COLEC12: variants seen among roughly 807,000 people sequenced by gnomAD.
The protein encoded by COLEC12 is collectin-12.
COLEC12 carries 33 observed loss-of-function variants against 71.1 expected under a neutral mutation model. The observed-to-expected ratio is 0.46, with a 90% CI of 0.35 to 0.62. The LOEUF is 0.62. Among genes scored for constraint, COLEC12 ranks in the 20% least tolerant of loss-of-function variants. The probability of loss-of-function intolerance (pLI) is 0.00; values close to 1 mark genes in which losing one functional copy is unlikely to be tolerated. For synonymous variants in COLEC12, 350 were observed against 353.0 expected (o/e 0.99, Z 0.10); for missense variants, 765 against 916.1 (o/e 0.84, Z 2.13).
chr18:444,381 C>A (rs1352230447), intron 2 of COLEC12, among the ~76,000 whole-genome samples: 1 of 152,080 alleles, frequency 6.6e-6, no homozygotes, highest in African/African-American at 2.4e-5. Flanking sequence ...TATCTGGGGG[C>A]TGATCCAGTG....
At position 346,935 on chromosome 18, in the gene COLEC12, G is replaced by A; in HGVS notation, c.687C>T (p.Asp229=). 1 of 1,614,186 alleles carries A rather than the reference G, an allele frequency of 6.2e-7. No individual in the cohort carries two copies. ...LITNLQRSVD[D]TSQAIQRIKN... is the part of the protein sequence containing the mutation. ...TGATTCGCTGGATAGCCTGGCTTGT[G>A]TCATCCACAGACCGCTGCAGATTCG... Residue 229 remains aspartate (D), a synonymous_variant, in exon 5 of 10, where the codon GAC becomes GAT. Transcript: ENST00000400256. The surrounding 1 kb of genome is among the most constrained non-coding windows in gnomAD (Gnocchi z 4.0).
At chr18:498,377 T>TTTTTTTCTTTG (rs1178071975) in intron 1 of COLEC12, among the ~76,000 whole-genome samples, 1 of 138,254 alleles carries the variant, frequency 7.2e-6, no homozygotes, top group African/African-American at 2.9e-5. Context: ...TTTTTTTTTT[T>TTTTTTTCTTTG]AGACGGAGTC....
intron 2 of COLEC12, among the ~76,000 whole-genome samples, chr18:464,530 C>T (rs1431822228): frequency 6.6e-6 from 1 of 152,210 alleles, no homozygotes; most frequent in Non-Finnish European, 1.5e-5. Flanking sequence ...ACAGTCATCC[C>T]TCTTTACTGC....
intron 5 of COLEC12, among the ~76,000 whole-genome samples, chr18:342,059 T>C (rs1914265281): frequency 1.3e-5 from 2 of 152,140 alleles, no homozygotes; most frequent in South Asian, 4.1e-4. Context: ...AGGTTTTCTT[T>C]TTTCTTTTTT....
Position 409,220 on chromosome 18 carries a change from G to C in COLEC12, c.59-51698C>G, listed in dbSNP as rs183954782. Among the ~76,000 whole-genome samples the C allele has an allele frequency of 1.7e-3, 257 of 152,308 alleles. 2 individuals carry two copies. Among genetic ancestry groups the C allele is most frequent in the African/African-American group, 5.7e-3 (237 of 41,568 alleles). On this transcript the variant is annotated intron_variant, in intron 2 of 9. Coordinates refer to ENST00000400256, the MANE Select transcript of COLEC12 (RefSeq NM_130386.3). ...TAAAAGAAAATTATCTGGCTATTCTGCATGCAAATGGTTTAGGCTGTAAAA... is the reference window on the plus strand; with the variant it reads ...TAAAAGAAAATTATCTGGCTATTCTCCATGCAAATGGTTTAGGCTGTAAAA...
intron 2 of COLEC12, among the ~76,000 whole-genome samples, chr18:441,302 G>A (rs1004632556): frequency 2.0e-5 from 3 of 151,978 alleles, no homozygotes; most frequent in Non-Finnish European, 4.4e-5. Context: ...CGGACTGTAC[G>A]TCTTCATAGA....
intron 2 of COLEC12, among the ~76,000 whole-genome samples, chr18:450,232 C>T (rs111241018): frequency 1.2e-3 from 176 of 152,220 alleles, no homozygotes; most frequent in African/African-American, 4.0e-3. Context: ...ATGTCTTTTC[C>T]GCCTATTTCA....
intron 2 of COLEC12, among the ~76,000 whole-genome samples, chr18:383,733 C>T (rs1367461688): frequency 6.6e-6 from 1 of 152,116 alleles, no homozygotes; most frequent in Non-Finnish European, 1.5e-5. Flanking sequence ...GAATCCAGAA[C>T]AGTGGTTGTA....
At chr18:328,050 C>A (rs1323355364) in intron 8 of COLEC12, among the ~76,000 whole-genome samples, 1 of 152,042 alleles carries the variant, frequency 6.6e-6, no homozygotes, top group African/African-American at 2.4e-5. Flanking sequence ...ATTGCTCAGG[C>A]TGGTCTTGAA....
intron 2 of COLEC12, among the ~76,000 whole-genome samples, chr18:368,784 T>G (rs1914924020): frequency 6.6e-6 from 1 of 152,046 alleles, no homozygotes; most frequent in Non-Finnish European, 1.5e-5. Context: ...GAGAATGGCG[T>G]GAACCCGGGA....
intron 1 of COLEC12, among the ~76,000 whole-genome samples, chr18:489,579 G>A (rs996106882): frequency 6.6e-6 from 1 of 152,182 alleles, no homozygotes; most frequent in African/African-American, 2.4e-5. Context: ...AGAGATTTGG[G>A]AAAGTAGAAG....
At position 325,627 on chromosome 18, in the gene COLEC12, C is replaced by CTTTTTTTTTTT. The variant is rs760407917; in HGVS notation, c.2064-3831_2064-3821dup. Among the ~76,000 whole-genome samples the CTTTTTTTTTTT allele has an allele frequency of 1.9e-3, 99 of 51,842 alleles. 10 individuals carry two copies. Among genetic ancestry groups the CTTTTTTTTTTT allele is most frequent in the African/African-American group, 4.2e-3 (49 of 11,702 alleles). The allele number at this position is 51,842 out of a possible 152,430, so 34.0% of individuals were successfully genotyped here. On this transcript the variant is annotated intron_variant, in intron 8 of 9. Transcript: ENST00000400256. ...TTACACCAAGAGTAAAAGGATCAGC[C>CTTTTTTTTTTT]TTTTTTTTTTTTTTTTTTTTTTTTT... is the stretch of plus-strand genomic sequence containing the variant.
chr18:353,270 C>T (rs377683963), intron 3 of COLEC12, among the ~76,000 whole-genome samples: 3 of 152,086 alleles, frequency 2.0e-5, no homozygotes, highest in East Asian at 1.9e-4. Context: ...CTCTATTTAT[C>T]GAGTGCCTGC....
At chr18:322,283 A>G (rs1270569011) in intron 8 of COLEC12, among the ~76,000 whole-genome samples, 4 of 152,224 alleles carry the variant, frequency 2.6e-5, no homozygotes, top group African/African-American at 9.6e-5. Context: ...TAACAAGTCC[A>G]AGAGCCAGGA....
intron 1 of COLEC12, among the ~76,000 whole-genome samples, chr18:488,343 G>A (rs557910403): frequency 9.2e-5 from 14 of 151,462 alleles, no homozygotes; most frequent in East Asian, 3.9e-4. Flanking sequence ...CCCGGGAGGC[G>A]GAAGTTGCAG....
intron 2 of COLEC12, among the ~76,000 whole-genome samples, chr18:442,059 T>C (rs1916553443): frequency 7.1e-6 from 1 of 141,554 alleles, no homozygotes; most frequent in Non-Finnish European, 1.5e-5. Context: ...ACACAGCTTC[T>C]GATGACTGTC....
chr18:484,315 T>C (rs1161114747), intron 1 of COLEC12, among the ~76,000 whole-genome samples: 2 of 152,194 alleles, frequency 1.3e-5, no homozygotes, highest in East Asian at 3.9e-4. Flanking sequence ...TCCAAACCCA[T>C]GAGGAGTTCA....
At chr18:440,358 T>TC (rs1916490817) in intron 2 of COLEC12, among the ~76,000 whole-genome samples, 1 of 110,156 alleles carries the variant, frequency 9.1e-6, no homozygotes, top group Non-Finnish European at 1.9e-5. Context: ...TGAAATGTTC[T>TC]CAACACACAC....
At chr18:410,946 C>T (rs1915881966) in intron 2 of COLEC12, among the ~76,000 whole-genome samples, 1 of 152,182 alleles carries the variant, frequency 6.6e-6, no homozygotes, top group East Asian at 1.9e-4. Context: ...CCCAGACTCT[C>T]CTCACCTGTT....
Sources: gnomAD v4.1 joint callset for allele counts (sites outside exome capture counted in the v4.1 genomes callset) on GRCh38, gnomAD v4.1.1 for gene constraint, Gnocchi (gnomAD v3.1) non-coding constraint, MANE v1.5 for transcripts, NCBI Gene and HGNC (gene_info 2026-07-23, HGNC 2026-07-21) for gene names.